The following SELENOS variants were observed in gnomAD, a reference collection of about 807,000 sequenced individuals.
SELENOS encodes the protein VCP interacting membrane selenoprotein.
In SELENOS, 37 loss-of-function variants were observed where a neutral mutation model predicts 30.2. The observed-to-expected ratio is 1.23, with a 90% confidence interval of 0.94 to 1.61. The LOEUF is 1.61. Ranked by LOEUF, SELENOS falls within the 40% of genes most tolerant of loss-of-function variation. The pLI is 0.00. For missense variants in SELENOS, 289 were observed against 231.8 expected (o/e 1.25, Z -1.60); for synonymous variants, 119 against 91.6 (o/e 1.30, Z -1.71).
At chr15:101,277,302 A>G (rs1158998218) in intron 1 of SELENOS, 40 bp downstream of exon 1, 6 of 1,505,638 alleles carry the variant, frequency 4.0e-6, no homozygotes, top group Middle Eastern at 1.7e-4. Flanking sequence ...GCGCGTCGCA[A>G]AAGTGGCGGC....
chr15:101,274,744 C>G, intron 3 of SELENOS, 63 bp from the exon 4 acceptor site: 1 of 1,461,700 alleles, frequency 6.8e-7, no homozygotes, highest in East Asian at 2.3e-5. Flanking sequence ...AAAGACAAAG[C>G]TAACTCTGAT....
Position 101,277,422 on chromosome 15 carries a change from G to A in SELENOS, c.-5C>T, listed in dbSNP as rs1311030003. 2.4e-5 allele frequency: 34 copies of A among 1,422,282 alleles called. No individual in the cohort carries two copies. Among genetic ancestry groups the A allele is most frequent in the South Asian group, 8.7e-5 (6 of 69,052 alleles). 88.1% of individuals were successfully genotyped at this position (1,422,282 alleles called of 1,614,324 possible). A position where few individuals can be genotyped will look rare whatever the true frequency, so the allele number is the denominator to read the frequency against. On this transcript the variant is annotated 5_prime_UTR_variant, in exon 1 of 6. Transcript: ENST00000526049. ...AGACTCCTCTTGGCGTTCCATGACC[G>A]CCGCCGCCGCCGCCGCCCAGCCCTG...
At chr15:101,277,291 T>G (rs1408466341) in intron 1 of SELENOS, 51 bp downstream of exon 1, 4 of 1,513,286 alleles carry the variant, frequency 2.6e-6, no homozygotes, top group Non-Finnish European at 3.5e-6. Flanking sequence ...CCATCATGGC[T>G]GCGCGTCGCA....
downstream of SELENOS, chr15:101,271,334 CA>C (rs1286773681): frequency 7.2e-5 from 11 of 152,332 alleles, no homozygotes; most frequent in African/African-American, 2.6e-4. Context: ...TGGTGGGAGC[CA>C]ATCCAGTTAC....
At chr15:101,273,534 A>G (rs1354873156) in intron 5 of SELENOS, among the ~76,000 whole-genome samples, 1 of 152,264 alleles carries the variant, frequency 6.6e-6, no homozygotes, top group African/African-American at 2.4e-5. Context: ...CGTGCAGGCA[A>G]GCACACCCTG....
In SELENOS at chr15:101,276,656, G is replaced by A. The variant is rs1761344195; in HGVS notation, c.96C>T (p.Thr32=). The A allele has an allele frequency of 1.2e-6, 2 of 1,610,102 alleles. No homozygotes were observed. Among genetic ancestry groups the A allele is most frequent in the Middle Eastern group, 1.7e-4 (1 of 5,976 alleles). ...LHTTVGSLLA[T]YGWYIVFSCI... ...AGCTGAAGACGATGTACCAGCCATA[G>A]GTGGCCAGCAGGGAGCCCACTGAAA... Residue 32 remains threonine, a synonymous_variant, in exon 2 of 6, where the codon ACC becomes ACT. Coordinates refer to ENST00000526049, the MANE Select transcript of SELENOS (RefSeq NM_018445.6).
chr15:101,275,487 CA>C, intron 2 of SELENOS, 126 bp from the exon 3 acceptor site: 1 of 787,124 alleles, frequency 1.3e-6, no homozygotes, highest in East Asian at 3.0e-5. Context: ...CATATTTTTA[CA>C]TAAGTACTCC....
chr15:101,274,425 C>T lies in SELENOS; in HGVS notation c.479G>A (p.Gly160Glu). 6.2e-7 allele frequency: 1 copy of T among 1,607,090 alleles called. No individual in the cohort carries two copies. Among genetic ancestry groups the T allele is most frequent in the Non-Finnish European group, 8.5e-7 (1 of 1,176,470 alleles). The change falls in exon 5 of 6, where the codon GGA becomes GAA. Residue 160 changes from glycine (G) to glutamate (E), a missense_variant. Physicochemically the swap from Gly to Glu is moderately conservative, Grantham distance 98. Transcript: ENST00000526049. ...KRKSDRKPLR[G>E]GGYNPLSGEG... ...TTGACATCAGTGGTGCTTACCTCCTCCCCGCAAAGGCTTTCTGTCCGATTT... is the reference window on the plus strand; with the variant it reads ...TTGACATCAGTGGTGCTTACCTCCTTCCCGCAAAGGCTTTCTGTCCGATTT...
At position 101,272,614 on chromosome 15, in the gene SELENOS, T is replaced by C. The variant is rs1159701606; in HGVS notation, c.*157A>G. The C allele has an allele frequency of 8.8e-6, 6 of 684,884 alleles. No homozygotes were observed. Among genetic ancestry groups the C allele is most frequent in the Non-Finnish European group, 1.5e-5 (6 of 398,154 alleles). The allele number at this position is 684,884 out of a possible 1,614,324, so 42.4% of individuals were successfully genotyped here. A position where few individuals can be genotyped will look rare whatever the true frequency, so the allele number is the denominator to read the frequency against. On this transcript the variant is annotated 3_prime_UTR_variant, in exon 6 of 6. Coordinates refer to ENST00000526049, the MANE Select transcript of SELENOS (RefSeq NM_018445.6). ...ATGCCTAGAGGCAACATCTATACCT[T>C]TTGCTGACTGGAGCCCTGACATATG...
At position 101,272,815 on chromosome 15, in the gene SELENOS, A is replaced by G. The variant is rs1247608166; in HGVS notation, c.526T>C (p.Trp176Arg). 1.9e-6 allele frequency: 3 copies of G among 1,610,694 alleles called. No individual in the cohort carries two copies. Among genetic ancestry groups the G allele is most frequent in the Admixed American group, 1.7e-5 (1 of 59,630 alleles). Residue 176 changes from tryptophan to arginine, a missense_variant, in exon 6 of 6, where the codon TGG becomes CGG. Trp to Arg is a moderately radical substitution (Grantham distance 101). Coordinates refer to ENST00000526049, the MANE Select transcript of SELENOS (RefSeq NM_018445.6). Reference sequence around the variant, plus strand: ...GACGGGCCTCTGCGTCCAGGTCTCCAGGAGCAAGCTCCGCCTCCTTCACCA... The same window carrying G: ...GACGGGCCTCTGCGTCCAGGTCTCCGGGAGCAAGCTCCGCCTCCTTCACCA... ...LSGEGGGACS[W>R]RPGRRGPSSG...
chr15:101,277,325 GC>G lies in SELENOS; in HGVS notation c.76+16del. 6.6e-7 allele frequency: 1 copy of G among 1,508,772 alleles called. No homozygotes were observed. Among genetic ancestry groups the G allele is most frequent in the Non-Finnish European group, 8.8e-7 (1 of 1,136,432 alleles). 93.5% of individuals were successfully genotyped at this position (1,508,772 alleles called of 1,614,324 possible). The stretch of plus-strand genomic sequence containing the variant: ...CAAAAGTGGCGGCGCGCGCCCGGCT[GC>G]CCCGCAACGACTCACCCGTGGTGTG... On this transcript the variant is annotated intron_variant, in intron 1 of 5. Transcript: ENST00000526049.
Position 101,276,661 on chromosome 15 carries a change from C to G in SELENOS, c.91G>C (p.Ala31Pro). ...FLHTTVGSLL[A>P]TYGWYIVFSC... ...AAGACGATGTACCAGCCATAGGTGG[C>G]CAGCAGGGAGCCCACTGAAAAGAAA... The change falls in exon 2 of 6, where the codon GCC becomes CCC. Residue 31 changes from alanine to proline, a missense_variant. By Grantham distance (27) the Ala-to-Pro change is conservative. Transcript: ENST00000526049. 1 of 1,605,554 alleles carries G rather than the reference C, an allele frequency of 6.2e-7. No individual in the cohort carries two copies. The highest frequency in any genetic ancestry group is 1.3e-5 in the African/African-American group (1 of 74,342).
chr15:101,277,411 G>A lies in SELENOS; in HGVS notation c.7C>T (p.Arg3Cys), dbSNP rs1237864706. 1.4e-6 allele frequency: 2 copies of A among 1,477,416 alleles called. No homozygotes were observed. The highest frequency in any genetic ancestry group is 8.9e-7 in the Non-Finnish European group (1 of 1,121,866). The allele number at this position is 1,477,416 out of a possible 1,614,324, so 91.5% of individuals were successfully genotyped here. A position where few individuals can be genotyped will look rare whatever the true frequency, so the allele number is the denominator to read the frequency against. ME[R>C]QEESLSARPA... ...CGCGCGGACAGAGACTCCTCTTGGC[G>A]TTCCATGACCGCCGCCGCCGCCGCC... is the stretch of plus-strand genomic sequence containing the variant. The change falls in exon 1 of 6, where the codon CGC (arginine) becomes TGC (cysteine). Residue 3 changes from arginine to cysteine, a missense_variant. Transcript: ENST00000526049.
At chr15:101,274,344 C>T (rs916913402) in intron 5 of SELENOS, 76 bp downstream of exon 5, 2 of 1,467,212 alleles carry the variant, frequency 1.4e-6, no homozygotes, top group African/African-American at 1.4e-5. Context: ...AAGAAACAAA[C>T]AATCTTGTTC....
At chr15:101,275,727 A>G (rs2039318757) in intron 2 of SELENOS, among the ~76,000 whole-genome samples, 1 of 152,328 alleles carries the variant, frequency 6.6e-6, no homozygotes, top group East Asian at 1.9e-4. Context: ...CTGGAAGACT[A>G]CCAAGGAAAT....
chr15:101,276,588 A>T lies in SELENOS; in HGVS notation c.164T>A (p.Leu55Gln), dbSNP rs774935113. Reference sequence around the variant, plus strand: ...CAGCTGCCTCTGCCTCAAGGCTCTTAGCCGGGCGGAAAGCTTCTGAAAGAC... The same window carrying T: ...CAGCTGCCTCTGCCTCAAGGCTCTTTGCCGGGCGGAAAGCTTCTGAAAGAC... ...YVVFQKLSAR[L>Q]RALRQRQLDR... is the part of the protein sequence containing the mutation. Residue 55 changes from leucine to glutamine, a missense_variant, in exon 2 of 6, where the codon CTA becomes CAA. Physicochemically the swap from Leu to Gln is moderately radical, Grantham distance 113 (BLOSUM62 -2). Coordinates refer to ENST00000526049, the MANE Select transcript of SELENOS (RefSeq NM_018445.6). 6.2e-7 allele frequency: 1 copy of T among 1,613,866 alleles called. No individual in the cohort carries two copies. The highest frequency in any genetic ancestry group is 1.1e-5 in the South Asian group (1 of 91,076).
chr15:101,272,893 A>C, intron 5 of SELENOS, 37 bp from the exon 6 acceptor site: 1 of 1,544,552 alleles, frequency 6.5e-7, no homozygotes, highest in Non-Finnish European at 8.8e-7. Context: ...AGTATTGATA[A>C]AAATCTGAAA....
intron 2 of SELENOS, among the ~76,000 whole-genome samples, chr15:101,275,695 A>T (rs2039318460): frequency 6.6e-6 from 1 of 152,214 alleles, no homozygotes; most frequent in Non-Finnish European, 1.5e-5. Flanking sequence ...TGACACCCAC[A>T]GTCTCTAGGC....
rs747452950 is a variant in SELENOS, at chr15:101,272,776, C to A, written c.565G>T (p.Gly189Cys). The change falls in exon 6 of 6, where the codon GGC becomes TGC. Residue 189 changes from glycine (G) to cysteine (C), a missense_variant. By Grantham distance (159) the Gly-to-Cys change is radical. Transcript: ENST00000526049. Reference protein sequence around the residue: ...GRRGPSSGGUG With the variant: ...GRRGPSSGGUC ...AAGTGACACTAACAAGATTCTTAGC[C>A]TCATCCGCCAGATGACGGGCCTCTG... 2.5e-6 allele frequency: 4 copies of A among 1,607,412 alleles called. No homozygotes were observed. In the Admixed American group the frequency reaches 6.8e-5, roughly 27 times the overall value.
Sources: allele counts gnomAD v4.1 joint callset (sites outside exome capture counted in the v4.1 genomes callset), GRCh38; gene constraint gnomAD v4.1.1; transcripts MANE v1.5; gene names NCBI Gene and HGNC (gene_info 2026-07-23, HGNC 2026-07-21).